The following FMO4 variants were observed in gnomAD, a reference collection of about 807,000 sequenced individuals.
The protein encoded by FMO4 is dimethylaniline monooxygenase [N-oxide-forming] 4.
FMO4 carries 38 observed loss-of-function variants against 43.3 expected under a neutral mutation model. That is an observed-to-expected ratio of 0.88 (90% CI 0.68 to 1.15). The LOEUF (loss-of-function observed/expected upper bound fraction) is 1.15. Among genes scored for constraint, FMO4 ranks in the 50% most tolerant of loss-of-function variants. The pLI, the probability that FMO4 is intolerant of heterozygous loss-of-function variation, is 0.00. For synonymous variants in FMO4, 224 were observed against 232.2 expected (o/e 0.96, Z 0.32); for missense variants, 631 against 663.3 (o/e 0.95, Z 0.54).
At position 171,341,537 on chromosome 1, in the gene FMO4, TG is replaced by T. The variant is rs768612177; in HGVS notation, c.1378del (p.Glu460LysfsTer28). On this transcript the variant is annotated frameshift_variant, in exon 10 of 10. Transcript: ENST00000367749. LOFTEE classifies it low-confidence loss of function (END_TRUNC). ...LLFLKDPRLA[W>X]EVFFGPCTPY... ...GTTCCTCAAGGATCCCAGACTAGCT[TG>T]GGAAGTTTTCTTTGGACCATGTACT... is the stretch of plus-strand genomic sequence containing the variant. The T allele has an allele frequency of 5.0e-6, 8 of 1,613,900 alleles. No homozygotes were observed. Among genetic ancestry groups the T allele is most frequent in the Non-Finnish European group, 8.5e-7 (1 of 1,179,968 alleles).
rs774872723 is a variant in FMO4 at position 171,337,433 on chromosome 1, A to T, written c.1250+8A>T. On this transcript the variant is annotated splice_region_variant and intron_variant, in intron 9 of 9. Coordinates refer to ENST00000367749, the MANE Select transcript of FMO4 (RefSeq NM_002022.3). Reference sequence around the variant, plus strand: ...GGAACAGCTCATTAAAAGGTATGAAATGTAGCTTGCTCTAGGGCAAACTTA... The same window carrying T: ...GGAACAGCTCATTAAAAGGTATGAATTGTAGCTTGCTCTAGGGCAAACTTA... 5 of 1,596,826 alleles carry T rather than the reference A, an allele frequency of 3.1e-6. No homozygotes were observed. The highest frequency in any genetic ancestry group is 1.1e-5 in the South Asian group (1 of 90,768).
At chr1:171,323,660 T>G (rs1008474760) in intron 4 of FMO4, among the ~76,000 whole-genome samples, 2 of 152,064 alleles carry the variant, frequency 1.3e-5, no homozygotes, top group African/African-American at 4.8e-5. Context: ...TGAGACTCCA[T>G]CTCAAAAATA....
At chr1:171,339,574 C>T (rs1325071260) in intron 9 of FMO4, among the ~76,000 whole-genome samples, 1 of 152,064 alleles carries the variant, frequency 6.6e-6, no homozygotes, top group Non-Finnish European at 1.5e-5. Context: ...GAGGGCACCA[C>T]CAAAAACTTT....
intron 9 of FMO4, among the ~76,000 whole-genome samples, chr1:171,340,144 G>A (rs936620708): frequency 7.9e-5 from 12 of 152,088 alleles, no homozygotes; most frequent in African/African-American, 1.9e-4. Context: ...GTTGTCCTAC[G>A]GACAACTTAT....
intron 9 of FMO4, 63 bp downstream of exon 9, chr1:171,337,488 A>C: frequency 1.8e-6 from 2 of 1,133,542 alleles, no homozygotes; most frequent in Non-Finnish European, 2.7e-6. Context: ...AAAAGGATTC[A>C]GAGTATAAAA....
In FMO4 at chr1:171,331,675, C is replaced by T. The variant is rs2101897217; in HGVS notation, c.520C>T (p.Gln174Ter). Reference protein sequence around the residue: ...HKFKGQILHSQEYKIPEGFQG... With the variant: ...HKFKGQILHS The stretch of plus-strand genomic sequence containing the variant: ...GTTTAAAGGTCAGATCCTGCATAGT[C>T]AAGAGTACAAGATCCCAGAAGGCTT... The change falls in exon 6 of 10, where the codon CAA becomes TAA. Residue 174 changes from glutamine to a stop codon, truncating the protein, a stop_gained. Coordinates refer to ENST00000367749, the MANE Select transcript of FMO4 (RefSeq NM_002022.3). LOFTEE classifies it high-confidence loss of function. The T allele has an allele frequency of 1.9e-6, 3 of 1,613,822 alleles. No individual in the cohort carries two copies. Among genetic ancestry groups the T allele is most frequent in the East Asian group, 4.5e-5 (2 of 44,872 alleles).
intron 5 of FMO4, among the ~76,000 whole-genome samples, chr1:171,328,859 C>T (rs1317957723): frequency 6.6e-6 from 1 of 152,038 alleles, no homozygotes; most frequent in African/African-American, 2.4e-5. Context: ...GATGAAATCT[C>T]AGGCAGTTTT....
At chr1:171,324,346 C>T in intron 5 of FMO4, 46 bp downstream of exon 5, 1 of 1,475,164 alleles carries the variant, frequency 6.8e-7, no homozygotes, top group Non-Finnish European at 9.2e-7. Context: ...CTGGGTTCTT[C>T]TAGAAGTAAA....
chr1:171,314,558 G>C (rs1271507896), intron 1 of FMO4, 145 bp downstream of exon 1: 1 of 152,124 alleles, frequency 6.6e-6, no homozygotes, highest in Non-Finnish European at 1.5e-5. Context: ...TAAAGCAAGA[G>C]AATTAAGGAG....
At chr1:171,329,188 C>A (rs897307441) in intron 5 of FMO4, among the ~76,000 whole-genome samples, 2 of 151,916 alleles carry the variant, frequency 1.3e-5, no homozygotes, top group Admixed American at 1.3e-4. Context: ...AAGAAAAGTT[C>A]TTTCTGAACT....
At chr1:171,330,859 G>A (rs777735517) in intron 5 of FMO4, among the ~76,000 whole-genome samples, 1 of 152,186 alleles carries the variant, frequency 6.6e-6, no homozygotes, top group Non-Finnish European at 1.5e-5. Flanking sequence ...TATCATTATA[G>A]CTGTGCTTCT....
chr1:171,337,537 C>T, intron 9 of FMO4, 112 bp downstream of exon 9: 1 of 743,986 alleles, frequency 1.3e-6, no homozygotes, highest in Non-Finnish European at 2.3e-6. Flanking sequence ...TTGGAAATAA[C>T]TCTGCATTAG....
chr1:171,327,821 C>T (rs988827498), intron 5 of FMO4, among the ~76,000 whole-genome samples: 1 of 152,196 alleles, frequency 6.6e-6, no homozygotes. Flanking sequence ...GCGGCTGAGG[C>T]GGGAGGATCA....
At chr1:171,320,145 G>A (rs112744289) in intron 3 of FMO4, among the ~76,000 whole-genome samples, 188 bp downstream of exon 3, 129 of 152,272 alleles carry the variant, frequency 8.5e-4, no homozygotes, top group African/African-American at 1.3e-3. Flanking sequence ...TTGAGAATGC[G>A]CAGACTCGGG....
At chr1:171,337,559 A>C (rs942611537) in intron 9 of FMO4, 134 bp downstream of exon 9, 2 of 667,678 alleles carry the variant, frequency 3.0e-6, no homozygotes, top group Non-Finnish European at 5.3e-6. Flanking sequence ...AATCAGAAGG[A>C]TACATTTTTA....
intron 1 of FMO4, among the ~76,000 whole-genome samples, chr1:171,314,988 G>A (rs778317940): frequency 6.6e-6 from 1 of 152,044 alleles, no homozygotes; most frequent in Admixed American, 6.6e-5. Context: ...TTTCTGCCAA[G>A]GGACTAAATA....
chr1:171,324,198 G>A lies in FMO4; in HGVS notation c.382G>A (p.Val128Ile). 1 of 1,613,796 alleles carries A rather than the reference G, an allele frequency of 6.2e-7. No homozygotes were observed. Reference protein sequence around the residue: ...DFSETGQWDVVTETEGKQNRA... With the variant: ...DFSETGQWDVITETEGKQNRA... ...CTCCGAAACTGGTCAGTGGGATGTT[G>A]TCACAGAGACAGAGGGCAAGCAAAA... Residue 128 changes from valine (V) to isoleucine (I), a missense_variant, in exon 5 of 10, where the codon GTC becomes ATC. By Grantham distance (29) the Val-to-Ile change is conservative. Transcript: ENST00000367749.
In FMO4 at chr1:171,331,904, GAA is replaced by G. The variant is rs71103398; in HGVS notation, c.627+133_627+134del. 1.9e-4 allele frequency: 126 copies of G among 665,252 alleles called. 1 individual carries two copies. Among genetic ancestry groups the G allele is most frequent in the Admixed American group, 1.2e-3 (45 of 37,212 alleles). 41.2% of individuals were successfully genotyped at this position (665,252 alleles called of 1,614,324 possible). A position where few individuals can be genotyped will look rare whatever the true frequency, so the allele number is the denominator to read the frequency against. Reference sequence around the variant, plus strand: ...AATTATGCAGACACACAGTAAGTGGGAAAAAAAAAAAACATTGAAAATCTTTA... The same window carrying G: ...AATTATGCAGACACACAGTAAGTGGGAAAAAAAAAACATTGAAAATCTTTA... On this transcript the variant is annotated intron_variant, in intron 6 of 9. Transcript: ENST00000367749.
At chr1:171,329,422 G>A (rs1037447984) in intron 5 of FMO4, among the ~76,000 whole-genome samples, 3 of 152,170 alleles carry the variant, frequency 2.0e-5, no homozygotes, top group Admixed American at 6.6e-5. Flanking sequence ...GGGCCTCATC[G>A]TGTGTTCAAA....
Sources: gnomAD v4.1 joint callset for allele counts (sites outside exome capture counted in the v4.1 genomes callset) on GRCh38, gnomAD v4.1.1 for gene constraint, MANE v1.5 for transcripts, NCBI Gene and HGNC (gene_info 2026-07-23, HGNC 2026-07-21) for gene names.